The following PLCB4 variants were observed in gnomAD, a reference collection of about 807,000 sequenced individuals.
PLCB4 encodes phospholipase C beta 4, also known as 1-phosphatidylinositol 4,5-bisphosphate phosphodiesterase beta-4.
In PLCB4, 77 loss-of-function variants were observed where a neutral mutation model predicts 178.8. The observed-to-expected ratio is 0.43, with a 90% CI of 0.36 to 0.52. The LOEUF is 0.52. Ranked by LOEUF, PLCB4 falls within the 20% of genes least tolerant of loss-of-function variation. PLCB4 has a pLI of 0.00. For missense variants in PLCB4, 1,024 were observed against 1,453.4 expected, an observed-to-expected ratio of 0.70 and a Z score of 4.80; for synonymous variants, 496 against 490.8, an observed-to-expected ratio of 1.01 and a Z score of -0.14.
At chr20:9,304,445 GA>G (rs199667066) in intron 3 of PLCB4, among the ~76,000 whole-genome samples, 4 of 148,766 alleles carry the variant, frequency 2.7e-5, no homozygotes, top group South Asian at 4.2e-4. Flanking sequence ...AAGAGGGAAA[GA>G]AAAAAAAATG....
At chr20:9,325,702 A>G (rs994182112) in intron 4 of PLCB4, among the ~76,000 whole-genome samples, 1 of 152,212 alleles carries the variant, frequency 6.6e-6, no homozygotes, top group Non-Finnish European at 1.5e-5. Context: ...GCTATTAGTG[A>G]CCATAAAGTC....
At chr20:9,186,593 C>T (rs941385646) in intron 2 of PLCB4, among the ~76,000 whole-genome samples, 3 of 152,180 alleles carry the variant, frequency 2.0e-5, no homozygotes, top group African/African-American at 4.8e-5. Flanking sequence ...CTTTGTCTTT[C>T]CTGTCTGGCC....
At position 9,338,921 on chromosome 20, in the gene PLCB4, G is replaced by T; in HGVS notation, c.253G>T (p.Ala85Ser). 1 of 1,613,392 alleles carries T rather than the reference G, an allele frequency of 6.2e-7. No individual in the cohort carries two copies. The highest frequency in any genetic ancestry group is 8.5e-7 in the Non-Finnish European group (1 of 1,179,646). The change falls in exon 7 of 40, where the codon GCT becomes TCT. Residue 85 changes from alanine (A) to serine (S), a missense_variant. Around this residue, in one of 7 missense-constraint regions of PLCB4, gnomAD observed 225 missense variants for 291.0 expected, o/e 0.77. Coordinates refer to ENST00000378473, the MANE Select transcript of PLCB4 (RefSeq NM_001377142.1). Reference sequence around the variant, plus strand: ...TCCCAAAATCTTGGCTGCTCTTGAAGCTGTTGGAAAATCAGAAAATGATCT... The same window carrying T: ...TCCCAAAATCTTGGCTGCTCTTGAATCTGTTGGAAAATCAGAAAATGATCT... Reference protein sequence around the residue: ...KDPKILAALEAVGKSENDLEG... With the variant: ...KDPKILAALESVGKSENDLEG...
intron 18 of PLCB4, among the ~76,000 whole-genome samples, chr20:9,395,153 A>C (rs981018002): frequency 6.6e-6 from 1 of 152,132 alleles, no homozygotes; most frequent in Admixed American, 6.5e-5. Context: ...AGTTCCCCAT[A>C]ACTGTTCGTA....
intron 1 of PLCB4, among the ~76,000 whole-genome samples, chr20:9,087,444 T>C (rs2090482991): frequency 6.6e-6 from 1 of 152,012 alleles, no homozygotes; most frequent in Non-Finnish European, 1.5e-5. Flanking sequence ...TTTTGGCAGA[T>C]CCTATAGCTT....
intron 1 of PLCB4, among the ~76,000 whole-genome samples, chr20:9,080,571 T>A (rs1294093326): frequency 6.6e-6 from 1 of 152,198 alleles, no homozygotes; most frequent in Non-Finnish European, 1.5e-5. Flanking sequence ...TACTCACTAT[T>A]TTCATAGATT....
At chr20:9,105,838 A>T (rs2091342383) in intron 2 of PLCB4, among the ~76,000 whole-genome samples, 1 of 152,104 alleles carries the variant, frequency 6.6e-6, no homozygotes, top group African/African-American at 2.4e-5. Flanking sequence ...TAACAAGATA[A>T]ACTGTAAATT....
At position 9,387,452 on chromosome 20, in the gene PLCB4, T is replaced by C; in HGVS notation, c.1065-11T>C. 7.3e-7 allele frequency: 1 copy of C among 1,370,164 alleles called. No homozygotes were observed. The highest frequency in any genetic ancestry group is 1.0e-6 in the Non-Finnish European group (1 of 972,718). 84.9% of individuals were successfully genotyped at this position (1,370,164 alleles called of 1,614,324 possible). On this transcript the variant is annotated splice_polypyrimidine_tract_variant and intron_variant, in intron 14 of 39. Coordinates refer to ENST00000378473, the MANE Select transcript of PLCB4 (RefSeq NM_001377142.1). ...TAAAGTTTCAATATTGTAACTTCAC[T>C]ATATCCCTAGATGTGTTGAACTTGA... is the stretch of plus-strand genomic sequence containing the variant.
Position 9,384,196 on chromosome 20 carries a change from C to T in PLCB4, c.854-5C>T. On this transcript the variant is annotated splice_polypyrimidine_tract_variant and splice_region_variant and intron_variant, in intron 13 of 39. Coordinates refer to ENST00000378473, the MANE Select transcript of PLCB4 (RefSeq NM_001377142.1). ...AGTGCTACTAAGATGTTCTTTTTCC[C>T]CTAGGCCTTATATCAAGTGATGGGT... 3.7e-6 allele frequency: 6 copies of T among 1,608,074 alleles called. No individual in the cohort carries two copies. Among genetic ancestry groups the T allele is most frequent in the African/African-American group, 1.3e-5 (1 of 74,902 alleles).
chr20:9,395,372 T>G (rs4141985), intron 18 of PLCB4, 151 bp from the exon 19 acceptor site: 2 of 562,438 alleles, frequency 3.6e-6, no homozygotes, highest in Non-Finnish European at 6.4e-6. Context: ...GAGAGAGAGA[T>G]CACTGCTGAA....
At chr20:9,149,372 T>A (rs780173389) in intron 2 of PLCB4, among the ~76,000 whole-genome samples, 14 of 152,180 alleles carry the variant, frequency 9.2e-5, no homozygotes, top group African/African-American at 3.4e-4. Flanking sequence ...TGCTTCACTG[T>A]CCCTCTGTGG....
intron 3 of PLCB4, among the ~76,000 whole-genome samples, chr20:9,250,401 G>T (rs769865307): frequency 1.3e-5 from 2 of 152,160 alleles, no homozygotes; most frequent in Non-Finnish European, 2.9e-5. Context: ...GCACTCTTAA[G>T]AACAAAGGAC....
intron 9 of PLCB4, among the ~76,000 whole-genome samples, chr20:9,370,549 C>T (rs188648485): frequency 6.6e-6 from 1 of 152,250 alleles, no homozygotes; most frequent in Non-Finnish European, 1.5e-5. Context: ...TCTTATCTGC[C>T]ACATTCCTTT....
intron 2 of PLCB4, among the ~76,000 whole-genome samples, chr20:9,104,273 C>G (rs2091283769): frequency 6.6e-6 from 1 of 152,124 alleles, no homozygotes; most frequent in African/African-American, 2.4e-5. Flanking sequence ...AGCATGGTGG[C>G]TGAGTTACAA....
intron 3 of PLCB4, among the ~76,000 whole-genome samples, chr20:9,249,064 T>G (rs1315978062): frequency 5.3e-5 from 8 of 152,184 alleles, no homozygotes; most frequent in Non-Finnish European, 1.5e-5. Flanking sequence ...TACAATGTCA[T>G]CTCTCTGTTT....
At chr20:9,139,647 C>T (rs568654936) in intron 2 of PLCB4, among the ~76,000 whole-genome samples, 29 of 152,148 alleles carry the variant, frequency 1.9e-4, no homozygotes, top group African/African-American at 6.7e-4. Context: ...ACAGGGCCAG[C>T]TTCCAGGAGA....
intron 2 of PLCB4, among the ~76,000 whole-genome samples, chr20:9,169,118 C>T (rs540866340): frequency 3.5e-4 from 54 of 152,258 alleles, no homozygotes; most frequent in Non-Finnish European, 6.3e-4. Context: ...GCATCCTCTG[C>T]CCAATCTGGC....
At chr20:9,429,192 C>T (rs1223036981) in intron 28 of PLCB4, among the ~76,000 whole-genome samples, 2 of 152,154 alleles carry the variant, frequency 1.3e-5, no homozygotes, top group Non-Finnish European at 2.9e-5. Context: ...CCTGCTGTGG[C>T]CTCCAAGAAT....
intron 2 of PLCB4, among the ~76,000 whole-genome samples, chr20:9,173,426 A>G (rs1600889879): frequency 6.6e-6 from 1 of 152,286 alleles, no homozygotes; most frequent in Non-Finnish European, 1.5e-5. Context: ...CCAGCATCCC[A>G]AGACATCTGA....
Sources: allele counts gnomAD v4.1 joint callset (sites outside exome capture counted in the v4.1 genomes callset), GRCh38; gene constraint gnomAD v4.1.1; regional missense constraint gnomAD v4.1.1; transcripts MANE v1.5; gene names NCBI Gene and HGNC (gene_info 2026-07-23, HGNC 2026-07-21).